The following ANKS1B variants were observed in gnomAD, a reference collection of about 807,000 sequenced individuals.
ANKS1B encodes the protein ankyrin repeat and sterile alpha motif domain containing 1B.
In ANKS1B, 36 loss-of-function variants were observed where a neutral mutation model predicts 148.3. That is an observed-to-expected ratio of 0.24 (90% CI 0.19 to 0.32). The LOEUF is 0.32. ANKS1B is among the 10% of genes least tolerant of loss of function. The pLI is 1.00. For missense variants in ANKS1B, 1,157 were observed against 1,542.6 expected (o/e 0.75, Z 4.19); for synonymous variants, 542 against 560.8 (o/e 0.97, Z 0.47).
chr12:99,211,855 A>C (rs1319864100), intron 14 of ANKS1B, among the ~76,000 whole-genome samples: 3 of 152,152 alleles, frequency 2.0e-5, no homozygotes, highest in Non-Finnish European at 4.4e-5. Flanking sequence ...GGGGATTAGC[A>C]ACCCAAGCAG....
chr12:99,453,284 C>T (rs774572245), intron 10 of ANKS1B, among the ~76,000 whole-genome samples: 4 of 151,226 alleles, frequency 2.6e-5, no homozygotes, highest in African/African-American at 4.9e-5. Context: ...AGCGAGAGTC[C>T]GTCTCAAATA....
intron 17 of ANKS1B, among the ~76,000 whole-genome samples, chr12:98,948,769 C>CT (rs2099849216): frequency 6.9e-6 from 1 of 144,524 alleles, no homozygotes; most frequent in African/African-American, 2.7e-5. Context: ...ACACCCACAC[C>CT]CCCCCCCACA....
intron 23 of ANKS1B, among the ~76,000 whole-genome samples, chr12:98,781,829 G>A (rs1351941314): frequency 6.6e-6 from 1 of 152,208 alleles, no homozygotes; most frequent in Admixed American, 6.5e-5. Context: ...CCCTCCAGGA[G>A]CAGTCTGGGT....
intron 15 of ANKS1B, 71 bp downstream of exon 15, chr12:99,154,218 T>C (rs2075656120): frequency 1.3e-6 from 2 of 1,579,838 alleles, no homozygotes; most frequent in Non-Finnish European, 1.7e-6. Flanking sequence ...AGGCTGCCTC[T>C]GAGCCATGTA....
intron 15 of ANKS1B, among the ~76,000 whole-genome samples, chr12:99,111,265 C>A (rs1239898878): frequency 1.3e-5 from 2 of 152,170 alleles, no homozygotes; most frequent in African/African-American, 2.4e-5. Context: ...GTATCAGAGA[C>A]CTGCAAAGCT....
chr12:99,701,786 A>T (rs2054868599), intron 8 of ANKS1B, among the ~76,000 whole-genome samples: 1 of 152,156 alleles, frequency 6.6e-6, no homozygotes, highest in South Asian at 2.1e-4. Flanking sequence ...GAGTGAGAAC[A>T]TGCAAAGTTT....
At chr12:99,351,193 A>G (rs534725302) in intron 12 of ANKS1B, among the ~76,000 whole-genome samples, 2 of 152,036 alleles carry the variant, frequency 1.3e-5, no homozygotes, top group African/African-American at 4.8e-5. Context: ...AAGACAAGGG[A>G]CATTGGTCAT....
chr12:99,943,318 A>G, intron 1 of ANKS1B, among the ~76,000 whole-genome samples: 1 of 152,200 alleles, frequency 6.6e-6, no homozygotes, highest in East Asian at 1.9e-4. Flanking sequence ...TGTAGGCACA[A>G]GTAAAACGGT....
At chr12:99,646,652 CAAAAAAAAAA>C (rs35481645) in intron 9 of ANKS1B, among the ~76,000 whole-genome samples, 8 of 35,904 alleles carry the variant, frequency 2.2e-4, no homozygotes, top group Middle Eastern at 0.016. Flanking sequence ...GACTCCATCT[CAAAAAAAAAA>C]AAAAAAAAAA....
chr12:99,903,749 G>C (rs973576687), intron 1 of ANKS1B, among the ~76,000 whole-genome samples: 2 of 140,110 alleles, frequency 1.4e-5, no homozygotes, highest in South Asian at 2.1e-4. Flanking sequence ...AAAAATGGGA[G>C]GGGGGGAGAG....
intron 1 of ANKS1B, among the ~76,000 whole-genome samples, chr12:99,922,138 A>C (rs2094372663): frequency 6.6e-6 from 1 of 152,198 alleles, no homozygotes; most frequent in African/African-American, 2.4e-5. Flanking sequence ...ATACATTAAC[A>C]TATAAAGCAT....
chr12:98,814,035 C>T (rs1214208556), intron 19 of ANKS1B, among the ~76,000 whole-genome samples: 1 of 145,080 alleles, frequency 6.9e-6, no homozygotes, highest in African/African-American at 2.6e-5. Flanking sequence ...TGCCTGCCAC[C>T]ACATCTGGCT....
chr12:98,883,634 T>A (rs755900317), intron 17 of ANKS1B, among the ~76,000 whole-genome samples: 1 of 152,184 alleles, frequency 6.6e-6, no homozygotes, highest in Non-Finnish European at 1.5e-5. Context: ...TGGAATTAAG[T>A]TTCTTGATAA....
intron 23 of ANKS1B, 69 bp from the exon 24 acceptor site, chr12:98,781,272 C>T: frequency 5.7e-6 from 5 of 882,768 alleles, no homozygotes; most frequent in Non-Finnish European, 9.2e-6. Flanking sequence ...ACAATTTTTC[C>T]TCCTGAAAGA....
At chr12:99,858,082 A>G (rs951559544) in intron 1 of ANKS1B, among the ~76,000 whole-genome samples, 2 of 152,244 alleles carry the variant, frequency 1.3e-5, no homozygotes, top group Non-Finnish European at 2.9e-5. Context: ...AAAGATAATC[A>G]TCAGAGAAAA....
intron 12 of ANKS1B, among the ~76,000 whole-genome samples, chr12:99,289,402 T>C (rs966555179): frequency 2.0e-5 from 3 of 152,006 alleles, no homozygotes; most frequent in Non-Finnish European, 4.4e-5. Flanking sequence ...AGTTAATCTA[T>C]ACTATAGAAC....
intron 8 of ANKS1B, among the ~76,000 whole-genome samples, chr12:99,677,417 G>A (rs144537432): frequency 1.1e-3 from 162 of 152,134 alleles, no homozygotes; most frequent in Admixed American, 1.8e-3. Context: ...ATGATTTGTT[G>A]AGGACTTTTT....
intron 9 of ANKS1B, among the ~76,000 whole-genome samples, chr12:99,587,584 A>G (rs916752368): frequency 2.6e-5 from 4 of 152,236 alleles, no homozygotes; most frequent in Non-Finnish European, 5.9e-5. Flanking sequence ...TGACTTCAGT[A>G]AAGAGAAAAT....
chr12:99,269,903 C>T (rs896882473), intron 12 of ANKS1B, among the ~76,000 whole-genome samples: 3 of 152,010 alleles, frequency 2.0e-5, no homozygotes, highest in East Asian at 3.9e-4. Flanking sequence ...TGAGTGATAC[C>T]GGGGTACTTG....
Sources: gnomAD v4.1 joint callset for allele counts (sites outside exome capture counted in the v4.1 genomes callset) on GRCh38, gnomAD v4.1.1 for gene constraint, MANE v1.5 for transcripts, NCBI Gene and HGNC (gene_info 2026-07-23, HGNC 2026-07-21) for gene names.